Variants in NRXN2 observed in about 807,000 individuals in gnomAD.
NRXN2 encodes neurexin 2.
Under a neutral mutation model 128.8 loss-of-function variants are expected in NRXN2, and 29 were observed. The observed-to-expected ratio is 0.23, with a 90% CI of 0.17 to 0.31. The LOEUF (loss-of-function observed/expected upper bound fraction) is 0.31, where lower values mean the gene tolerates loss of function less well. Ranked by LOEUF, NRXN2 falls within the 10% of genes least tolerant of loss-of-function variation. The probability of loss-of-function intolerance (pLI) is 1.00; values close to 1 mark genes in which losing one functional copy is unlikely to be tolerated. For missense variants in NRXN2, 1,881 were observed against 2,452.6 expected (o/e 0.77, Z 4.92); for synonymous variants, 1,098 against 1,075.2 (o/e 1.02, Z -0.41).
intron 2 of NRXN2, among the ~76,000 whole-genome samples, chr11:64,704,244 G>C (rs1269683023): frequency 6.6e-6 from 1 of 152,136 alleles, no homozygotes; most frequent in African/African-American, 2.4e-5. Flanking sequence ...TAGATGGTAT[G>C]TCTTGCCTAA....
intron 17 of NRXN2, among the ~76,000 whole-genome samples, chr11:64,645,113 A>G (rs2046437615): frequency 6.6e-6 from 1 of 152,232 alleles, no homozygotes; most frequent in Non-Finnish European, 1.5e-5. Flanking sequence ...TGCCAGGAGC[A>G]GGGCTGGGGC....
At position 64,668,759 on chromosome 11, in the gene NRXN2, A is replaced by G. The variant is rs1015584199; in HGVS notation, c.1198-155T>C. 3.9e-5 allele frequency among the ~76,000 whole-genome samples: 6 copies of G among 152,152 alleles called. No homozygotes were observed. The East Asian group carries it at 9.7e-4, about 25-fold the overall frequency. On this transcript the variant is annotated intron_variant, in intron 7 of 22. Coordinates refer to ENST00000265459, the MANE Select transcript of NRXN2 (RefSeq NM_015080.4). ...TGTCTTGGAGGAGGAACAGTGGGGGAAGAGAGGAAATGAGGAAAAGGAGGC... is the reference window on the plus strand; with the variant it reads ...TGTCTTGGAGGAGGAACAGTGGGGGGAGAGAGGAAATGAGGAAAAGGAGGC...
intron 19 of NRXN2, among the ~76,000 whole-genome samples, chr11:64,628,381 C>T (rs927908499): frequency 1.3e-5 from 2 of 152,188 alleles, no homozygotes; most frequent in Non-Finnish European, 2.9e-5. Context: ...AGGGTCCCCC[C>T]CCACTCTGGG....
chr11:64,642,794 CG>C, intron 17 of NRXN2: 1 of 1,139,186 alleles, frequency 8.8e-7, no homozygotes, highest in Non-Finnish European at 1.1e-6. Context: ...CCGCTCCCCC[CG>C]GGGGGCATTT....
chr11:64,642,443 A>T, intron 17 of NRXN2: 2 of 1,467,582 alleles, frequency 1.4e-6, no homozygotes, highest in Non-Finnish European at 1.8e-6. Context: ...CGGCGTGCAC[A>T]GCTGGGGTGG....
intron 20 of NRXN2, among the ~76,000 whole-genome samples, chr11:64,625,485 G>A (rs1401946234): frequency 1.3e-5 from 2 of 152,164 alleles, no homozygotes; most frequent in Non-Finnish European, 2.9e-5. Context: ...CTGGTTATCA[G>A]CAGGTTTAGG....
intron 17 of NRXN2, chr11:64,642,728 G>C: frequency 6.9e-7 from 1 of 1,442,554 alleles, no homozygotes; most frequent in Non-Finnish European, 9.1e-7. Flanking sequence ...GGCGGCGGTG[G>C]AGGCGGCGGC....
chr11:64,635,328 A>G lies in NRXN2; in HGVS notation c.3528T>C (p.Ala1176=). The G allele has an allele frequency of 6.2e-7, 1 of 1,613,560 alleles. No homozygotes were observed. Among genetic ancestry groups the G allele is most frequent in the South Asian group, 1.1e-5 (1 of 91,082 alleles). ...AGGCGCTGTCCACCCGCACCAGCAC[A>G]GCGCTCCGCTGGTGGGTGCTGAAGC... The part of the protein sequence containing the change: ...AVGFSTHQRS[A]VLVRVDSASG... Residue 1176 remains alanine (A), a synonymous_variant, in exon 18 of 23, where the codon GCT becomes GCC. Transcript: ENST00000265459. This position sits in a 1 kb window ranked among gnomAD's most constrained non-coding sequence, Gnocchi z 4.8.
chr11:64,642,445 C>T, intron 17 of NRXN2: 3 of 1,474,676 alleles, frequency 2.0e-6, no homozygotes, highest in Middle Eastern at 2.4e-4. Flanking sequence ...GCGTGCACAG[C>T]TGGGGTGGGG....
In NRXN2 at chr11:64,648,288, A is replaced by G. The variant is rs2046994134; in HGVS notation, c.3334T>C (p.Leu1112=). ...CAGGTGAAGCCATCCCACTGCTGCA[A>G]GCAGACGCCCTGGTTGGCACAGGAC... The part of the protein sequence containing the change: ...EESCANQGVC[L]QQWDGFTCDC... The change falls in exon 17 of 23, where the codon TTG becomes CTG. Residue 1112 remains leucine, a synonymous_variant. Coordinates refer to ENST00000265459, the MANE Select transcript of NRXN2 (RefSeq NM_015080.4). This position sits in a 1 kb window ranked among gnomAD's most constrained non-coding sequence, Gnocchi z 4.1. 1.9e-6 allele frequency: 3 copies of G among 1,614,102 alleles called. No individual in the cohort carries two copies. The highest frequency in any genetic ancestry group is 1.3e-5 in the African/African-American group (1 of 74,942).
intron 19 of NRXN2, among the ~76,000 whole-genome samples, chr11:64,628,667 G>A (rs1382147708): frequency 2.0e-5 from 3 of 152,232 alleles, no homozygotes; most frequent in African/African-American, 4.8e-5. Flanking sequence ...GCCCTGTCCA[G>A]CACAGGCCAA....
At chr11:64,645,898 G>A (rs997856514) in intron 17 of NRXN2, among the ~76,000 whole-genome samples, 1 of 152,162 alleles carries the variant, frequency 6.6e-6, no homozygotes, top group East Asian at 1.9e-4. Context: ...TGCGCCCCCA[G>A]GGCCTCCCAC....
At chr11:64,613,693 C>T (rs1248977563) in intron 22 of NRXN2, among the ~76,000 whole-genome samples, 2 of 152,236 alleles carry the variant, frequency 1.3e-5, no homozygotes, top group African/African-American at 4.8e-5. Context: ...TGAGAAACTT[C>T]TCTTGAATTA....
At chr11:64,663,481 A>G (rs2049344527) in intron 9 of NRXN2, among the ~76,000 whole-genome samples, 1 of 151,408 alleles carries the variant, frequency 6.6e-6, no homozygotes, top group African/African-American at 2.4e-5. Flanking sequence ...CATGGTCCTG[A>G]CTCTAAACCC....
intron 22 of NRXN2, among the ~76,000 whole-genome samples, chr11:64,617,536 G>C (rs2135302994): frequency 6.6e-6 from 1 of 152,344 alleles, no homozygotes; most frequent in South Asian, 2.1e-4. Context: ...TATGGGCCAG[G>C]GTCTGTGGAG....
In NRXN2 at chr11:64,648,965, T is replaced by C. The variant is rs898389446; in HGVS notation, c.3110-58A>G. On this transcript the variant is annotated intron_variant, in intron 15 of 22. Coordinates refer to ENST00000265459, the MANE Select transcript of NRXN2 (RefSeq NM_015080.4). This position sits in a 1 kb window ranked among gnomAD's most constrained non-coding sequence, Gnocchi z 4.1. Reference sequence around the variant, plus strand: ...GGTCCCCATTCCCATCCCAAGACAATGGCATCTGGCTGTCAGGTCCTCCCA... The same window carrying C: ...GGTCCCCATTCCCATCCCAAGACAACGGCATCTGGCTGTCAGGTCCTCCCA... 2.3e-5 allele frequency: 37 copies of C among 1,574,576 alleles called. No homozygotes were observed. The highest frequency in any genetic ancestry group is 3.3e-4 in the Middle Eastern group (2 of 6,014).
rs2044135613 is a variant in NRXN2 at position 64,632,940 on chromosome 11, A to G, written c.3585+2331T>C. Among the ~76,000 whole-genome samples, 1 of 152,100 alleles carries G rather than the reference A, an allele frequency of 6.6e-6. No homozygotes were observed. The highest frequency in any genetic ancestry group is 2.1e-4 in the South Asian group (1 of 4,822). On this transcript the variant is annotated intron_variant, in intron 18 of 22. Transcript: ENST00000265459. The surrounding 1 kb of genome is among the most constrained non-coding windows in gnomAD (Gnocchi z 4.2). ...CCCCACTCTCTGAGAGCTGCTACTG[A>G]CGCTGTGGTGGGAGCTGATGTGTCA...
chr11:64,677,307 C>T (rs1185789378), intron 6 of NRXN2, among the ~76,000 whole-genome samples: 1 of 152,124 alleles, frequency 6.6e-6, no homozygotes, highest in Non-Finnish European at 1.5e-5. Context: ...GTCCTTTCTT[C>T]TCCCCATCCC....
intron 15 of NRXN2, among the ~76,000 whole-genome samples, chr11:64,650,034 G>A (rs2047245344): frequency 2.6e-5 from 4 of 151,994 alleles, no homozygotes; most frequent in Admixed American, 2.6e-4. Context: ...GGTGACTCGG[G>A]GACTCTAGCT....
Sources: gnomAD v4.1 joint callset for allele counts (sites outside exome capture counted in the v4.1 genomes callset) on GRCh38, gnomAD v4.1.1 for gene constraint, Gnocchi (gnomAD v3.1) non-coding constraint, MANE v1.5 for transcripts, NCBI Gene and HGNC (gene_info 2026-07-23, HGNC 2026-07-21) for gene names.